The following ATP10A variants were observed in gnomAD, a reference collection of about 807,000 sequenced individuals.
The protein encoded by ATP10A is phospholipid-transporting ATPase VA.
ATP10A carries 111 observed loss-of-function variants against 147.8 expected under a neutral mutation model. The observed-to-expected ratio is 0.75, with a 90% CI of 0.64 to 0.88. The LOEUF (loss-of-function observed/expected upper bound fraction) is 0.88. Ranked by LOEUF, ATP10A falls within the 40% of genes least tolerant of loss-of-function variation. The pLI, the probability that ATP10A is intolerant of heterozygous loss-of-function variation, is 0.00. For missense variants in ATP10A, 1,927 were observed against 1,959.0 expected (o/e 0.98, Z 0.31); for synonymous variants, 875 against 841.6 (o/e 1.04, Z -0.69).
chr15:25,772,480 A>G (rs1437217000), intron 2 of ATP10A, among the ~76,000 whole-genome samples: 1 of 152,158 alleles, frequency 6.6e-6, no homozygotes, highest in Non-Finnish European at 1.5e-5. Context: ...TCAACCTCAG[A>G]GTCTGTCCTC....
chr15:25,784,884 T>A (rs960278670), intron 1 of ATP10A, among the ~76,000 whole-genome samples: 1 of 149,040 alleles, frequency 6.7e-6, no homozygotes, highest in African/African-American at 2.5e-5. Context: ...ATCGCGCCAC[T>A]GCACTCCAGC....
intron 1 of ATP10A, among the ~76,000 whole-genome samples, chr15:25,796,971 C>A (rs974358731): frequency 1.3e-5 from 2 of 152,244 alleles, no homozygotes; most frequent in Admixed American, 6.5e-5. Context: ...TCTCACATAC[C>A]GATCTTTTTT....
rs115273444 is a variant in ATP10A at position 25,787,210 on chromosome 15, T to C, written c.450-5987A>G. Among the ~76,000 whole-genome samples the C allele has an allele frequency of 9.0e-3, 1,371 of 152,286 alleles. 19 individuals are homozygous for C. The highest frequency in any genetic ancestry group is 0.031 in the African/African-American group (1,308 of 41,540). ...CTGATCTGGTAGCCTAAAGGAGGAA[T>C]ATCTCATGAAGACTATAAAGTGCTA... On this transcript the variant is annotated intron_variant, in intron 1 of 20. Transcript: ENST00000555815.
At position 25,764,203 on chromosome 15, in the gene ATP10A, G is replaced by A. The variant is rs573337100; in HGVS notation, c.654+16816C>T. Among the ~76,000 whole-genome samples, 8 of 152,184 alleles carry A rather than the reference G, an allele frequency of 5.3e-5. No individual in the cohort carries two copies. In the South Asian group the frequency reaches 6.2e-4, roughly 12 times the overall value. Reference sequence around the variant, plus strand: ...GCTGATGCTGTTATTCCACTGACCCGACAAAGACTTACGAAAATGAGGAAT... The same window carrying A: ...GCTGATGCTGTTATTCCACTGACCCAACAAAGACTTACGAAAATGAGGAAT... On this transcript the variant is annotated intron_variant, in intron 2 of 20. Coordinates refer to ENST00000555815, the MANE Select transcript of ATP10A (RefSeq NM_024490.4).
Position 25,721,659 on chromosome 15 carries a change from T to C in ATP10A, c.1361A>G (p.Asn454Ser), listed in dbSNP as rs1303022416. The C allele has an allele frequency of 2.5e-6, 4 of 1,611,538 alleles. No homozygotes were observed. The Admixed American group carries it at 5.0e-5, about 20-fold the overall frequency. ...GAGCCCCGCACCCCCAGACTCACCA[T>C]TTGCATCATGAGAATATTCTACACC... is the stretch of plus-strand genomic sequence containing the variant. ...VSGVEYSHDA[N>S]AQRLARYQEA... is the part of the protein sequence containing the mutation. The change falls in exon 7 of 21, where the codon AAT becomes AGT. Residue 454 changes from asparagine (N) to serine (S), a missense_variant and splice_region_variant. Physicochemically the swap from Asn to Ser is conservative, Grantham distance 46 (BLOSUM62 1). Transcript: ENST00000555815.
intron 1 of ATP10A, among the ~76,000 whole-genome samples, chr15:25,836,544 T>A (rs760802078): frequency 3.3e-5 from 5 of 152,178 alleles, no homozygotes; most frequent in Non-Finnish European, 7.3e-5. Context: ...AACTCCTGTC[T>A]ACCCAAGTGA....
intron 1 of ATP10A, among the ~76,000 whole-genome samples, chr15:25,854,762 C>T (rs1168001409): frequency 6.6e-5 from 10 of 151,954 alleles, no homozygotes; most frequent in Non-Finnish European, 1.0e-4. Flanking sequence ...CAAAATCTTC[C>T]AAAAAAGAAA....
chr15:25,708,455 A>T (rs1236810032), intron 10 of ATP10A, 155 bp from the exon 11 acceptor site: 3 of 585,568 alleles, frequency 5.1e-6, no homozygotes, highest in African/African-American at 2.7e-5. Flanking sequence ...GTTATGTTTT[A>T]AAAAAGAGTC....
At chr15:25,802,769 C>T (rs373654234) in intron 1 of ATP10A, among the ~76,000 whole-genome samples, 1 of 152,120 alleles carries the variant, frequency 6.6e-6, no homozygotes, top group South Asian at 2.1e-4. Flanking sequence ...ACCTTAAGGA[C>T]CTTGTGATTA....
intron 1 of ATP10A, among the ~76,000 whole-genome samples, chr15:25,836,209 A>G (rs1321199380): frequency 6.6e-6 from 1 of 152,176 alleles, no homozygotes. Context: ...TCGGCCTCCC[A>G]AAGTACTGGG....
chr15:25,728,284 A>G (rs969733915), intron 3 of ATP10A, among the ~76,000 whole-genome samples: 2 of 152,224 alleles, frequency 1.3e-5, no homozygotes, highest in Non-Finnish European at 2.9e-5. Flanking sequence ...GCTAAACAGT[A>G]AAGGCAAGGC....
At chr15:25,789,114 A>G (rs375573324) in intron 1 of ATP10A, among the ~76,000 whole-genome samples, 21 of 152,224 alleles carry the variant, frequency 1.4e-4, no homozygotes, top group African/African-American at 5.1e-4. Flanking sequence ...GTGCACCACC[A>G]CACCCAGCTA....
Position 25,863,077 on chromosome 15 carries a change from C to A in ATP10A, c.20G>T (p.Gly7Val). Residue 7 changes from glycine (G) to valine (V), a missense_variant, in exon 1 of 21, where the codon GGG (glycine) becomes GTG (valine). Coordinates refer to ENST00000555815, the MANE Select transcript of ATP10A (RefSeq NM_024490.4). The stretch of plus-strand genomic sequence containing the variant: ...TCCCGGAGGCCCGGGCTCCTCGGTC[C>A]CCGCCGGCTCCCGCTCCATGGCCGC... MEREPAGTEEPGPPGRR... is the reference protein window; with the variant it reads MEREPAVTEEPGPPGRR... The A allele has an allele frequency of 8.3e-7, 1 of 1,209,288 alleles. No homozygotes were observed. The highest frequency in any genetic ancestry group is 1.0e-6 in the Non-Finnish European group (1 of 975,624). 74.9% of individuals were successfully genotyped at this position (1,209,288 alleles called of 1,614,324 possible). A position where few individuals can be genotyped will look rare whatever the true frequency, so the allele number is the denominator to read the frequency against.
At chr15:25,804,031 G>A (rs1891057784) in intron 1 of ATP10A, among the ~76,000 whole-genome samples, 1 of 151,786 alleles carries the variant, frequency 6.6e-6, no homozygotes, top group Non-Finnish European at 1.5e-5. Context: ...TGGTGTGTGT[G>A]TGCATCTGTG....
intron 1 of ATP10A, among the ~76,000 whole-genome samples, chr15:25,811,198 G>A (rs1208425945): frequency 2.0e-5 from 3 of 152,200 alleles, no homozygotes; most frequent in Admixed American, 6.5e-5. Context: ...GGCACTGCCC[G>A]GACCCAGAAG....
chr15:25,715,809 G>A (rs1406285023), intron 9 of ATP10A, among the ~76,000 whole-genome samples: 4 of 152,216 alleles, frequency 2.6e-5, no homozygotes, highest in African/African-American at 9.6e-5. Flanking sequence ...CTGCTGGAAG[G>A]GCAGACCCAG....
intron 1 of ATP10A, among the ~76,000 whole-genome samples, chr15:25,846,195 C>T (rs1280345198): frequency 6.6e-6 from 1 of 152,158 alleles, no homozygotes; most frequent in East Asian, 1.9e-4. Flanking sequence ...ACAAAGTTTC[C>T]GTTTGGGAGG....
chr15:25,729,505 C>A (rs1902815299), intron 3 of ATP10A, among the ~76,000 whole-genome samples: 1 of 152,224 alleles, frequency 6.6e-6, no homozygotes, highest in Non-Finnish European at 1.5e-5. Context: ...CTGGGTTCCT[C>A]ATGTGGGTTC....
At chr15:25,862,300 G>A (rs983799970) in intron 1 of ATP10A, 3 of 517,134 alleles carry the variant, frequency 5.8e-6, no homozygotes, top group East Asian at 5.2e-5. Flanking sequence ...AGGGGGCCAG[G>A]CTGGCTTTTC....
Sources: gnomAD v4.1 joint callset for allele counts (sites outside exome capture counted in the v4.1 genomes callset) on GRCh38, gnomAD v4.1.1 for gene constraint, MANE v1.5 for transcripts, NCBI Gene and HGNC (gene_info 2026-07-23, HGNC 2026-07-21) for gene names.